Variants in ARHGAP44 observed in about 807,000 individuals in gnomAD.
The protein encoded by ARHGAP44 is rho GTPase-activating protein 44.
ARHGAP44 carries 43 observed loss-of-function variants against 106.8 expected under a neutral mutation model. That is an observed-to-expected ratio of 0.40 (90% CI 0.32 to 0.52). The LOEUF (loss-of-function observed/expected upper bound fraction) is 0.52, where lower values mean the gene tolerates loss of function less well. ARHGAP44 is among the 20% of genes least tolerant of loss of function. The pLI is 0.48. For synonymous variants in ARHGAP44, 439 were observed against 410.3 expected, an observed-to-expected ratio of 1.07 and a Z score of -0.85; for missense variants, 866 against 1,050.5, an observed-to-expected ratio of 0.82 and a Z score of 2.43.
rs146801593 is a variant in ARHGAP44, at chr17:12,841,585, G to GTCTCTCTC, written c.53+51697_53+51704dup. On this transcript the variant is annotated intron_variant, in intron 1 of 20. Coordinates refer to ENST00000379672, the MANE Select transcript of ARHGAP44 (RefSeq NM_014859.6). The stretch of plus-strand genomic sequence containing the variant: ...CAACAGAGTGAGACCCTGTCTCTCT[G>GTCTCTCTC]TCTCTCTCTCACACACACACACACA... Among the ~76,000 whole-genome samples, 715 of 123,124 alleles carry GTCTCTCTC rather than the reference G, an allele frequency of 5.8e-3. 6 individuals are homozygous for GTCTCTCTC. Among genetic ancestry groups the GTCTCTCTC allele is most frequent in the African/African-American group, 0.025 (686 of 27,842 alleles). 80.8% of individuals were successfully genotyped at this position (123,124 alleles called of 152,430 possible).
At chr17:12,872,884 A>G (rs1322214404) in intron 1 of ARHGAP44, among the ~76,000 whole-genome samples, 1 of 151,982 alleles carries the variant, frequency 6.6e-6, no homozygotes, top group Non-Finnish European at 1.5e-5. Flanking sequence ...TAGGAATTTT[A>G]TTTTGGTTTT....
At chr17:12,915,823 G>A in intron 4 of ARHGAP44, 77 bp from the exon 5 acceptor site, 2 of 1,250,424 alleles carry the variant, frequency 1.6e-6, no homozygotes, top group East Asian at 2.5e-5. Flanking sequence ...AAGTGAGCCA[G>A]GAGGTGAGGG....
At chr17:12,826,487 T>C (rs1231854349) in intron 1 of ARHGAP44, among the ~76,000 whole-genome samples, 1 of 152,256 alleles carries the variant, frequency 6.6e-6, no homozygotes, top group African/African-American at 2.4e-5. Context: ...CCAACTTTGT[T>C]TTCAGTGTAA....
intron 8 of ARHGAP44, among the ~76,000 whole-genome samples, chr17:12,942,470 A>AT (rs1310565371): frequency 5.3e-5 from 8 of 152,044 alleles, no homozygotes; most frequent in Non-Finnish European, 7.4e-5. Flanking sequence ...AAGTGGTAGA[A>AT]TTTTTTCAGG....
chr17:12,902,297 G>A (rs560449391), intron 3 of ARHGAP44, among the ~76,000 whole-genome samples: 20 of 152,162 alleles, frequency 1.3e-4, no homozygotes, highest in East Asian at 7.7e-4. Context: ...TCTATCCTCC[G>A]CAGGGAATGC....
At chr17:12,858,827 C>T (rs1201904198) in intron 1 of ARHGAP44, among the ~76,000 whole-genome samples, 1 of 152,178 alleles carries the variant, frequency 6.6e-6, no homozygotes, top group African/African-American at 2.4e-5. Context: ...CTCACAGTTC[C>T]ACATGGCTGG....
chr17:12,943,607 A>G lies in ARHGAP44; in HGVS notation c.671A>G (p.Glu224Gly). Residue 224 changes from glutamate to glycine, a missense_variant, in exon 9 of 21, where the codon GAA (glutamate) becomes GGA (glycine). Coordinates refer to ENST00000379672, the MANE Select transcript of ARHGAP44 (RefSeq NM_014859.6). ...TCTCAGCTAATAGAAGTGCAAGCTG[A>G]ATACCACAGGAAGTCCCTGACACTA... ...YFQTLIEVQA[E>G]YHRKSLTLLQ... 6.2e-7 allele frequency: 1 copy of G among 1,613,956 alleles called. No homozygotes were observed. The highest frequency in any genetic ancestry group is 8.5e-7 in the Non-Finnish European group (1 of 1,179,870).
chr17:12,897,434 C>CTT (rs11464642), intron 3 of ARHGAP44, among the ~76,000 whole-genome samples: 162 of 140,572 alleles, frequency 1.2e-3, no homozygotes, highest in Middle Eastern at 3.6e-3. Flanking sequence ...CGAGTCATTT[C>CTT]TTTTTTTTTT....
Position 12,958,853 on chromosome 17 carries a change from C to T in ARHGAP44, c.1479C>T (p.Ser493=), listed in dbSNP as rs3213687. The T allele has an allele frequency of 0.091, 147,112 of 1,611,244 alleles. 7,262 individuals are homozygous for T. The highest frequency in any genetic ancestry group is 0.13 in the Admixed American group (7,803 of 59,358). ...RQPEQARRPL[S]VATDNMMLEF... ...CCGAGCAGGCCCGCCGGCCCCTCAG[C>T]GTCGCCACGGATAATATGATGCTGG... Residue 493 remains serine, a synonymous_variant, in exon 16 of 21, where the codon AGC becomes AGT. Transcript: ENST00000379672. This position sits in a 1 kb window ranked among gnomAD's most constrained non-coding sequence, Gnocchi z 4.1.
chr17:12,834,071 G>A (rs1455562512), intron 1 of ARHGAP44, among the ~76,000 whole-genome samples: 3 of 152,046 alleles, frequency 2.0e-5, no homozygotes, highest in Non-Finnish European at 1.5e-5. Context: ...TAGTTTTCCA[G>A]GTTAAGGTTG....
chr17:12,937,531 T>C (rs888701834), intron 7 of ARHGAP44, among the ~76,000 whole-genome samples: 8 of 152,186 alleles, frequency 5.3e-5, no homozygotes, highest in Non-Finnish European at 8.8e-5. Flanking sequence ...TTTACTTCAG[T>C]GAGTTATAAT....
chr17:12,980,173 G>GGTGCCA lies in ARHGAP44; in HGVS notation c.1880_1881insTGCCAG (p.Ala628_Ser629dup). 1 of 1,613,014 alleles carries GGTGCCA rather than the reference G, an allele frequency of 6.2e-7. No homozygotes were observed. Among genetic ancestry groups the GGTGCCA allele is most frequent in the African/African-American group, 1.3e-5 (1 of 74,676 alleles). On this transcript the variant is annotated inframe_insertion, in exon 19 of 21. Transcript: ENST00000379672. ...AGGGGCTCAACCTGGAGCTCAGCCG[G>GGTGCCA]GCGCCAGCCCCAGCCCCAGCCAGCC...
At chr17:12,930,764 G>C (rs190741603) in intron 7 of ARHGAP44, among the ~76,000 whole-genome samples, 2 of 152,028 alleles carry the variant, frequency 1.3e-5, no homozygotes, top group Non-Finnish European at 2.9e-5. Context: ...TCAAAGATTC[G>C]TAGTACATGT....
rs576344897 is a variant in ARHGAP44, at chr17:12,877,640, C to T, written c.54-17300C>T. ...TGGCGGGCGTCTGTAGTCCCAGCTA[C>T]TCGGGAGGCTGAGGCAGGAGAATGG... On this transcript the variant is annotated intron_variant, in intron 1 of 20. Transcript: ENST00000379672. Among the ~76,000 whole-genome samples, 3 of 152,118 alleles carry T rather than the reference C, an allele frequency of 2.0e-5. No individual in the cohort carries two copies. In the East Asian group the frequency reaches 5.8e-4, roughly 29 times the overall value.
At chr17:12,819,194 A>G (rs77566916) in intron 1 of ARHGAP44, among the ~76,000 whole-genome samples, 4,786 of 152,162 alleles carry the variant, frequency 0.031, 227 homozygotes, top group African/African-American at 0.11. Context: ...ATTAGATCAT[A>G]TGGCATGTGT....
intron 6 of ARHGAP44, among the ~76,000 whole-genome samples, chr17:12,927,378 A>G (rs2038278323): frequency 1.3e-5 from 2 of 152,212 alleles, no homozygotes; most frequent in Admixed American, 1.3e-4. Context: ...TGCAGATAGC[A>G]AAAGAGAAAA....
intron 3 of ARHGAP44, among the ~76,000 whole-genome samples, chr17:12,905,660 A>G (rs60141218): frequency 0.019 from 2,845 of 152,268 alleles, 88 homozygotes; most frequent in African/African-American, 0.065. Flanking sequence ...CTTCTGGTAG[A>G]TGTATTTCTT....
intron 1 of ARHGAP44, among the ~76,000 whole-genome samples, chr17:12,812,015 G>T (rs1357469155): frequency 6.6e-6 from 1 of 152,032 alleles, no homozygotes; most frequent in Non-Finnish European, 1.5e-5. Flanking sequence ...ACTTCTGGGG[G>T]ACACAATTGA....
chr17:12,989,905 C>T (rs1235124503), intron 20 of ARHGAP44, 127 bp from the exon 21 acceptor site: 11 of 1,378,450 alleles, frequency 8.0e-6, no homozygotes, highest in African/African-American at 5.7e-5. Flanking sequence ...TTAAACCAAC[C>T]TCCAAATGAT....
Sources: allele counts gnomAD v4.1 joint callset (sites outside exome capture counted in the v4.1 genomes callset), GRCh38; gene constraint gnomAD v4.1.1; non-coding constraint Gnocchi (gnomAD v3.1); transcripts MANE v1.5; gene names NCBI Gene and HGNC (gene_info 2026-07-23, HGNC 2026-07-21).